CACNA2D3: variants seen among roughly 807,000 people sequenced by gnomAD.
CACNA2D3 encodes the protein calcium voltage-gated channel auxiliary subunit alpha2delta 3.
In CACNA2D3, 60 loss-of-function variants were observed where a neutral mutation model predicts 160.6. The ratio of observed to expected loss-of-function variants is 0.37; its 90% CI spans 0.30 to 0.46. CACNA2D3 has a LOEUF of 0.46. Among genes scored for constraint, CACNA2D3 ranks in the 20% least tolerant of loss-of-function variants. The pLI, the probability that CACNA2D3 is intolerant of heterozygous loss-of-function variation, is 1.00. For synonymous variants in CACNA2D3, 558 were observed against 492.9 expected, an observed-to-expected ratio of 1.13 and a Z score of -1.75; for missense variants, 1,205 against 1,365.0, an observed-to-expected ratio of 0.88 and a Z score of 1.85.
rs567921720 is a variant in CACNA2D3 at position 55,062,407 on chromosome 3, C to T, written c.2988-11038C>T. ...GGGATAACAGGCATGAGCCACCACA[C>T]CTGGCTGTATCTTCTCATTTTCCAT... On this transcript the variant is annotated intron_variant, in intron 35 of 37. Coordinates refer to ENST00000474759, the MANE Select transcript of CACNA2D3 (RefSeq NM_018398.3). 2.8e-4 allele frequency among the ~76,000 whole-genome samples: 42 copies of T among 147,712 alleles called. 1 individual carries two copies. The South Asian group carries it at 5.6e-3, about 20-fold the overall frequency.
Position 54,681,408 on chromosome 3 carries a change from A to AAT in CACNA2D3, c.1167+39167_1167+39168insAT, listed in dbSNP as rs34491413. Among the ~76,000 whole-genome samples, 101 of 144,260 alleles carry AAT rather than the reference A, an allele frequency of 7.0e-4. 1 individual carries two copies. Among genetic ancestry groups the AAT allele is most frequent in the Non-Finnish European group, 1.2e-3 (81 of 65,564 alleles). The allele number at this position is 144,260 out of a possible 152,430, so 94.6% of individuals were successfully genotyped here. ...AAAAAAAAAAAAAAAAAAAAAAAAA[A>AAT]GGCCAGGCATGGTGGCACATGCCTG... On this transcript the variant is annotated intron_variant, in intron 11 of 37. Coordinates refer to ENST00000474759, the MANE Select transcript of CACNA2D3 (RefSeq NM_018398.3).
chr3:55,043,462 A>G (rs1704002959), intron 35 of CACNA2D3, among the ~76,000 whole-genome samples: 1 of 151,808 alleles, frequency 6.6e-6, no homozygotes, highest in Admixed American at 6.6e-5. Context: ...CTTATTCAAT[A>G]TCTGTTCAAA....
intron 13 of CACNA2D3, among the ~76,000 whole-genome samples, chr3:54,810,786 G>A (rs1272220179): frequency 6.6e-6 from 1 of 152,210 alleles, no homozygotes; most frequent in Non-Finnish European, 1.5e-5. Flanking sequence ...TAGAGCACTA[G>A]ATGTCCCTTC....
Position 55,073,767 on chromosome 3 carries a change from T to C in CACNA2D3, c.3101-10T>C. Reference sequence around the variant, plus strand: ...GCAATCCTTGGAAACATGCCTTAACTACAGTCAACATAATGAATCCCTTAA... The same window carrying C: ...GCAATCCTTGGAAACATGCCTTAACCACAGTCAACATAATGAATCCCTTAA... On this transcript the variant is annotated splice_polypyrimidine_tract_variant and intron_variant, in intron 36 of 37. Transcript: ENST00000474759. The C allele has an allele frequency of 2.5e-6, 4 of 1,609,986 alleles. No individual in the cohort carries two copies. The highest frequency in any genetic ancestry group is 3.4e-6 in the Non-Finnish European group (4 of 1,176,796).
chr3:54,984,505 TA>T (rs1253216251), intron 29 of CACNA2D3, 102 bp from the exon 30 acceptor site: 1 of 711,616 alleles, frequency 1.4e-6, no homozygotes, highest in Non-Finnish European at 2.3e-6. Context: ...TCCAAAAAAA[TA>T]AGTTTGTCTA....
At chr3:54,633,172 G>A (rs1359068462) in intron 10 of CACNA2D3, among the ~76,000 whole-genome samples, 1 of 152,158 alleles carries the variant, frequency 6.6e-6, no homozygotes, top group Non-Finnish European at 1.5e-5. Context: ...GCAGGAGGAG[G>A]AGATTAATAC....
intron 33 of CACNA2D3, 62 bp from the exon 34 acceptor site, chr3:55,009,326 A>T: frequency 7.3e-7 from 1 of 1,378,582 alleles, no homozygotes; most frequent in Non-Finnish European, 1.0e-6. Flanking sequence ...ACAGAAAGTC[A>T]CTGTTCTGTG....
intron 3 of CACNA2D3, among the ~76,000 whole-genome samples, chr3:54,351,815 G>C (rs1313642568): frequency 6.6e-6 from 1 of 152,110 alleles, no homozygotes; most frequent in Non-Finnish European, 1.5e-5. Context: ...GCTCTCTTTC[G>C]GCCTCCTGGT....
chr3:54,221,591 T>C (rs907459305), intron 2 of CACNA2D3, among the ~76,000 whole-genome samples: 4 of 152,200 alleles, frequency 2.6e-5, no homozygotes, highest in Non-Finnish European at 5.9e-5. Context: ...GTCATTGTTT[T>C]GGGGAAGTTT....
Position 55,073,392 on chromosome 3 carries a change from C to T in CACNA2D3, c.2988-53C>T, listed in dbSNP as rs145567835. 870 of 1,370,026 alleles carry T rather than the reference C, an allele frequency of 6.4e-4. 4 individuals carry two copies. In the African/African-American group the frequency reaches 0.011, roughly 18 times the overall value. The allele number at this position is 1,370,026 out of a possible 1,614,324, so 84.9% of individuals were successfully genotyped here. ...CCCAGGAGAGAAGTCTTCCTCATGG[C>T]TCTTTAATTGACGGATGGTAAATGA... On this transcript the variant is annotated intron_variant, in intron 35 of 37. Transcript: ENST00000474759.
At chr3:54,194,712 A>C (rs1343382568) in intron 2 of CACNA2D3, among the ~76,000 whole-genome samples, 2 of 152,248 alleles carry the variant, frequency 1.3e-5, no homozygotes, top group Admixed American at 6.5e-5. Flanking sequence ...CGTTCCTCAT[A>C]GATGGCACTG....
At chr3:54,551,768 A>G (rs552980353) in intron 5 of CACNA2D3, among the ~76,000 whole-genome samples, 8 of 152,366 alleles carry the variant, frequency 5.3e-5, no homozygotes, top group Middle Eastern at 3.4e-3. Context: ...CTGCTGTGAC[A>G]GTTTTGCAAC....
At chr3:54,405,550 A>G (rs907010108) in intron 4 of CACNA2D3, among the ~76,000 whole-genome samples, 1 of 151,996 alleles carries the variant, frequency 6.6e-6, no homozygotes, top group African/African-American at 2.4e-5. Context: ...CCCTTATCTT[A>G]TATACAAAAA....
At chr3:55,050,200 G>A (rs1024600409) in intron 35 of CACNA2D3, among the ~76,000 whole-genome samples, 8 of 149,636 alleles carry the variant, frequency 5.3e-5, no homozygotes, top group African/African-American at 2.0e-4. Context: ...TCCTAGTCTC[G>A]ATGGTCTTTA....
At chr3:55,064,264 A>G (rs1309771652) in intron 35 of CACNA2D3, among the ~76,000 whole-genome samples, 1 of 152,224 alleles carries the variant, frequency 6.6e-6, no homozygotes, top group Non-Finnish European at 1.5e-5. Flanking sequence ...TTTGCATCAA[A>G]TACCAAATAC....
intron 4 of CACNA2D3, among the ~76,000 whole-genome samples, chr3:54,431,467 A>G (rs1428878095): frequency 2.0e-5 from 3 of 152,222 alleles, no homozygotes; most frequent in Non-Finnish European, 4.4e-5. Flanking sequence ...ATTAGGAGGA[A>G]GAGGAAGGCT....
intron 25 of CACNA2D3, among the ~76,000 whole-genome samples, chr3:54,895,988 A>T (rs1335695899): frequency 6.6e-6 from 1 of 152,250 alleles, no homozygotes; most frequent in Admixed American, 6.5e-5. Context: ...ATAAAAGGCT[A>T]TATGAAAGTT....
chr3:54,176,071 T>A (rs1235819500), intron 2 of CACNA2D3, among the ~76,000 whole-genome samples: 1 of 152,216 alleles, frequency 6.6e-6, no homozygotes, highest in Non-Finnish European at 1.5e-5. Flanking sequence ...CTTCAGAGAA[T>A]ACTGTGCATT....
chr3:54,922,808 C>T (rs941036589), intron 27 of CACNA2D3, among the ~76,000 whole-genome samples: 1 of 152,176 alleles, frequency 6.6e-6, no homozygotes, highest in Non-Finnish European at 1.5e-5. Context: ...ACCTCCCCAA[C>T]ACACTCACTC....
Sources: gnomAD v4.1 joint callset for allele counts (sites outside exome capture counted in the v4.1 genomes callset) on GRCh38, gnomAD v4.1.1 for gene constraint, MANE v1.5 for transcripts, NCBI Gene and HGNC (gene_info 2026-07-23, HGNC 2026-07-21) for gene names.